The following GTF2E2 variants were observed in gnomAD, a reference collection of about 807,000 sequenced individuals.
GTF2E2 encodes transcription initiation factor IIE subunit beta.
In GTF2E2, 21 loss-of-function variants were observed where a neutral mutation model predicts 40.5. The observed-to-expected ratio is 0.52, with a 90% confidence interval of 0.37 to 0.75. The LOEUF (loss-of-function observed/expected upper bound fraction) is 0.75, where lower values mean the gene tolerates loss of function less well. GTF2E2 is among the 30% of genes least tolerant of loss of function. The probability of loss-of-function intolerance (pLI) is 0.00; values close to 1 mark genes in which losing one functional copy is unlikely to be tolerated. For synonymous variants in GTF2E2, 117 were observed against 121.6 expected (o/e 0.96, Z 0.25); for missense variants, 298 against 338.4 (o/e 0.88, Z 0.94).
At chr8:30,582,015 AATTT>A (rs1405877353) in intron 6 of GTF2E2, among the ~76,000 whole-genome samples, 2 of 151,964 alleles carry the variant, frequency 1.3e-5, no homozygotes, top group African/African-American at 4.8e-5. Flanking sequence ...CTTTTTTTAA[AATTT>A]ATTTATTTTT....
chr8:30,629,220 A>G (rs1010279510), intron 3 of GTF2E2, among the ~76,000 whole-genome samples: 2 of 152,218 alleles, frequency 1.3e-5, no homozygotes, highest in African/African-American at 4.8e-5. Flanking sequence ...AAAACTGGAA[A>G]TAGATCCATA....
chr8:30,646,972 T>C (rs1586006880), intron 2 of GTF2E2, among the ~76,000 whole-genome samples: 2 of 65,924 alleles, frequency 3.0e-5, no homozygotes, highest in South Asian at 7.3e-4. Context: ...AGAGCAAGAC[T>C]CCGTCTCAAA....
chr8:30,584,028 G>C (rs982095880), intron 6 of GTF2E2, among the ~76,000 whole-genome samples: 1 of 151,492 alleles, frequency 6.6e-6, no homozygotes, highest in Non-Finnish European at 1.5e-5. Flanking sequence ...GGATGGTCTC[G>C]ATCTCCTGAT....
chr8:30,610,541 T>G (rs1829451902), intron 5 of GTF2E2, among the ~76,000 whole-genome samples: 1 of 151,822 alleles, frequency 6.6e-6, no homozygotes, highest in African/African-American at 2.4e-5. Context: ...AAATAAACCT[T>G]CACATATATG....
At chr8:30,595,664 T>C (rs1206917975) in intron 6 of GTF2E2, among the ~76,000 whole-genome samples, 1 of 152,138 alleles carries the variant, frequency 6.6e-6, no homozygotes, top group Non-Finnish European at 1.5e-5. Context: ...ACCCCATCTC[T>C]ACTAGAAATA....
chr8:30,646,563 C>T (rs1316568410), intron 2 of GTF2E2, among the ~76,000 whole-genome samples: 1 of 152,166 alleles, frequency 6.6e-6, no homozygotes, highest in Non-Finnish European at 1.5e-5. Context: ...ATCCTAAGCA[C>T]TTAGTTCAAA....
chr8:30,581,035 C>T (rs62505276), intron 6 of GTF2E2, among the ~76,000 whole-genome samples: 11,111 of 152,192 alleles, frequency 0.073, 567 homozygotes, highest in Non-Finnish European at 0.11. Context: ...ATTTTTGCAA[C>T]CAAGAGAGAC....
intron 2 of GTF2E2, among the ~76,000 whole-genome samples, chr8:30,651,461 G>C (rs1039999181): frequency 1.3e-5 from 2 of 152,044 alleles, no homozygotes; most frequent in Admixed American, 1.3e-4. Context: ...GATTGAATCA[G>C]AATAAAATAA....
chr8:30,604,112 A>AG (rs369105407), intron 6 of GTF2E2, among the ~76,000 whole-genome samples: 99 of 152,204 alleles, frequency 6.5e-4, no homozygotes, highest in African/African-American at 2.1e-3. Flanking sequence ...ATAAGGAATG[A>AG]GGGGGGGAGA....
rs1242660947 is a variant in GTF2E2 at position 30,650,857 on chromosome 8, CA to C, written c.166+2575del. 2.6e-5 allele frequency among the ~76,000 whole-genome samples: 4 copies of C among 152,068 alleles called. 1 individual carries two copies. In the East Asian group the frequency reaches 7.7e-4, roughly 29 times the overall value. On this transcript the variant is annotated intron_variant, in intron 2 of 7. Transcript: ENST00000355904. ...TGTAACCCCATCTCTACTAAAAAGACAAAAAAATTAGCCAGCCATGGCGATG... is the reference window on the plus strand; with the variant it reads ...TGTAACCCCATCTCTACTAAAAAGACAAAAAATTAGCCAGCCATGGCGATG...
intron 2 of GTF2E2, chr8:30,636,918 A>G: frequency 2.4e-6 from 1 of 422,330 alleles, no homozygotes; most frequent in Admixed American, 3.1e-5. Flanking sequence ...TCAATTATGA[A>G]ATATTACCTA....
chr8:30,629,119 T>A (rs899932597), intron 3 of GTF2E2, among the ~76,000 whole-genome samples: 1 of 152,208 alleles, frequency 6.6e-6, no homozygotes, highest in East Asian at 1.9e-4. Flanking sequence ...TATCTTATAT[T>A]TGAACAGATT....
At chr8:30,620,684 G>C (rs1204421590) in intron 3 of GTF2E2, among the ~76,000 whole-genome samples, 1 of 136,516 alleles carries the variant, frequency 7.3e-6, no homozygotes, top group Non-Finnish European at 1.5e-5. Context: ...CAGCACTTGG[G>C]GAGGCTGACG....
intron 3 of GTF2E2, among the ~76,000 whole-genome samples, chr8:30,634,440 T>G (rs1382933219): frequency 6.6e-6 from 1 of 151,546 alleles, no homozygotes; most frequent in Admixed American, 6.6e-5. Flanking sequence ...GGAGCAAGAC[T>G]GTCTCAAAAA....
chr8:30,603,798 C>G (rs1829246441), intron 6 of GTF2E2, among the ~76,000 whole-genome samples: 1 of 151,778 alleles, frequency 6.6e-6, no homozygotes, highest in African/African-American at 2.4e-5. Flanking sequence ...CAACAAACAA[C>G]AGAGATAAAA....
chr8:30,589,218 T>C (rs1828768901), intron 6 of GTF2E2, among the ~76,000 whole-genome samples: 1 of 152,138 alleles, frequency 6.6e-6, no homozygotes, highest in South Asian at 2.1e-4. Flanking sequence ...ATCGCACTAC[T>C]GCACTCAAGC....
At chr8:30,594,358 A>G (rs1828936422) in intron 6 of GTF2E2, among the ~76,000 whole-genome samples, 1 of 151,680 alleles carries the variant, frequency 6.6e-6, no homozygotes, top group Non-Finnish European at 1.5e-5. Flanking sequence ...CCCCAGCTGA[A>G]GCAATTCTAC....
rs200704270 is a variant in GTF2E2 at position 30,580,412 on chromosome 8, A to C, written c.644-16T>G. ...TTCTGAAATTCTGTATCAAACAGAC[A>C]CTAGTTATTTTACAATCCATTTTTA... On this transcript the variant is annotated splice_polypyrimidine_tract_variant and intron_variant, in intron 6 of 7. Coordinates refer to ENST00000355904, the MANE Select transcript of GTF2E2 (RefSeq NM_002095.6). 6 of 1,292,476 alleles carry C rather than the reference A, an allele frequency of 4.6e-6. No homozygotes were observed. The Admixed American group carries it at 8.4e-5, about 18-fold the overall frequency. The allele number at this position is 1,292,476 out of a possible 1,614,324, so 80.1% of individuals were successfully genotyped here.
intron 2 of GTF2E2, chr8:30,637,250 G>C (rs958177930): frequency 8.8e-6 from 4 of 456,036 alleles, no homozygotes; most frequent in Admixed American, 7.1e-5. Flanking sequence ...CTTACCCCAC[G>C]CAACTGTATA....
Sources: allele counts gnomAD v4.1 joint callset (sites outside exome capture counted in the v4.1 genomes callset), GRCh38; gene constraint gnomAD v4.1.1; transcripts MANE v1.5; gene names NCBI Gene and HGNC (gene_info 2026-07-23, HGNC 2026-07-21).